The following ASB18 variants were observed in gnomAD, a reference collection of about 807,000 sequenced individuals.
ASB18 encodes ankyrin repeat and SOCS box containing 18, also known as ankyrin repeat and SOCS box protein 18.
A neutral mutation model predicts 33.4 loss-of-function variants in ASB18; 33 were observed. That is an observed-to-expected ratio of 0.99 (90% CI 0.75 to 1.32). The LOEUF is 1.32. Among genes scored for constraint, ASB18 ranks in the 40% most tolerant of loss-of-function variants. ASB18 has a pLI of 0.00. For synonymous variants in ASB18, 295 were observed against 307.6 expected, an observed-to-expected ratio of 0.96 and a Z score of 0.43; for missense variants, 694 against 655.5, an observed-to-expected ratio of 1.06 and a Z score of -0.64.
At chr2:236,224,023 C>G (rs1019641496) in intron 3 of ASB18, among the ~76,000 whole-genome samples, 4 of 151,976 alleles carry the variant, frequency 2.6e-5, no homozygotes, top group Admixed American at 6.6e-5. Flanking sequence ...CATATGTTCC[C>G]ATTTTTCTTA....
In ASB18 at chr2:236,219,165, CG is replaced by C. The variant is rs2060500482; in HGVS notation, c.597-4300del. Among the ~76,000 whole-genome samples, 1 of 152,080 alleles carries C rather than the reference CG, an allele frequency of 6.6e-6. No homozygotes were observed. Among genetic ancestry groups the C allele is most frequent in the African/African-American group, 2.4e-5 (1 of 41,400 alleles). On this transcript the variant is annotated intron_variant, in intron 3 of 5. Transcript: ENST00000409749. The surrounding 1 kb of genome is among the most constrained non-coding windows in gnomAD (Gnocchi z 6.4). ...TGTTGAGATTACAGGCATGAGCCAC[CG>C]TGCCCTGCCAAAAAACCTAGAAATT...
At position 236,235,959 on chromosome 2, in the gene ASB18, G is replaced by A. The variant is rs1002516782; in HGVS notation, c.596+1730C>T. On this transcript the variant is annotated intron_variant, in intron 3 of 5. Transcript: ENST00000409749. The surrounding 1 kb of genome is among the most constrained non-coding windows in gnomAD (Gnocchi z 6.2). ...TCTGCCTGTCTCAGCCTCCCAAAGT[G>A]TTGGGATTACCGGCATGAGCCACCG... Among the ~76,000 whole-genome samples the A allele has an allele frequency of 9.9e-5, 15 of 152,166 alleles. No homozygotes were observed. The highest frequency in any genetic ancestry group is 3.6e-4 in the African/African-American group (15 of 41,428).
At chr2:236,212,818 T>A (rs959320437) in intron 4 of ASB18, among the ~76,000 whole-genome samples, 1 of 151,984 alleles carries the variant, frequency 6.6e-6, no homozygotes, top group Non-Finnish European at 1.5e-5. Context: ...TTTGTAGAGA[T>A]AGGATCTTGC....
Position 236,234,774 on chromosome 2 carries a change from C to T in ASB18, c.596+2915G>A, listed in dbSNP as rs2060581327. On this transcript the variant is annotated intron_variant, in intron 3 of 5. Coordinates refer to ENST00000409749, the MANE Select transcript of ASB18 (RefSeq NM_212556.4). The surrounding 1 kb of genome is among the most constrained non-coding windows in gnomAD (Gnocchi z 4.1). ...AAAAGCTTCAATCCCTACCTCACAT[C>T]ATATTCAGAAATGAACTCAAAATGG... is the stretch of plus-strand genomic sequence containing the variant. Among the ~76,000 whole-genome samples, 1 of 152,200 alleles carries T rather than the reference C, an allele frequency of 6.6e-6. No homozygotes were observed. The highest frequency in any genetic ancestry group is 1.5e-5 in the Non-Finnish European group (1 of 68,040).
At chr2:236,207,250 T>A (rs1305174993) in intron 4 of ASB18, among the ~76,000 whole-genome samples, 1 of 152,208 alleles carries the variant, frequency 6.6e-6, no homozygotes, top group African/African-American at 2.4e-5. Context: ...TCTTTATGAA[T>A]CAACTCTGCC....
rs927189036 is a variant in ASB18, at chr2:236,229,784, T to C, written c.596+7905A>G. Among the ~76,000 whole-genome samples the C allele has an allele frequency of 5.3e-5, 8 of 152,136 alleles. No homozygotes were observed. Among genetic ancestry groups the C allele is most frequent in the African/African-American group, 1.9e-4 (8 of 41,400 alleles). ...TGAATCCGGGAAGCAGAGGTTGCAG[T>C]GAGCTGAGATCATGCCACTGCACTC... On this transcript the variant is annotated intron_variant, in intron 3 of 5. Transcript: ENST00000409749. This position sits in a 1 kb window ranked among gnomAD's most constrained non-coding sequence, Gnocchi z 5.2.
rs368017832 is a variant in ASB18, at chr2:236,222,699, C to T, written c.597-7833G>A. Among the ~76,000 whole-genome samples, 21 of 152,190 alleles carry T rather than the reference C, an allele frequency of 1.4e-4. No individual in the cohort carries two copies. Among genetic ancestry groups the T allele is most frequent in the East Asian group, 1.2e-3 (6 of 5,162 alleles). On this transcript the variant is annotated intron_variant, in intron 3 of 5. Coordinates refer to ENST00000409749, the MANE Select transcript of ASB18 (RefSeq NM_212556.4). The surrounding 1 kb of genome is among the most constrained non-coding windows in gnomAD (Gnocchi z 5.5). ...CCCCTTGGTGCTTTCCTCACGATAG[C>T]GAGTTCATGGGTGATCTGGCTGTTT... is the stretch of plus-strand genomic sequence containing the variant.
chr2:236,227,245 C>T (rs547280266), intron 3 of ASB18, among the ~76,000 whole-genome samples: 1 of 152,166 alleles, frequency 6.6e-6, no homozygotes, highest in South Asian at 2.1e-4. Flanking sequence ...TGACTAGAGA[C>T]ATTATAGCAA....
chr2:236,198,183 TAAAAA>T (rs777437650), intron 4 of ASB18, among the ~76,000 whole-genome samples: 2 of 151,944 alleles, frequency 1.3e-5, no homozygotes, highest in Admixed American at 6.6e-5. Flanking sequence ...TATGACAAAC[TAAAAA>T]AAATTCATAT....
Position 236,263,733 on chromosome 2 carries a change from C to T in ASB18, c.205+408G>A, listed in dbSNP as rs903345381. On this transcript the variant is annotated intron_variant, in intron 1 of 5. Coordinates refer to ENST00000409749, the MANE Select transcript of ASB18 (RefSeq NM_212556.4). The surrounding 1 kb of genome is among the most constrained non-coding windows in gnomAD (Gnocchi z 4.0). ...TTGTAGGCATTTGGTTTAAGTATTT[C>T]AGTAGGGGATTGAAATTGGGAAGAC... is the stretch of plus-strand genomic sequence containing the variant. Among the ~76,000 whole-genome samples, 1 of 152,062 alleles carries T rather than the reference C, an allele frequency of 6.6e-6. No homozygotes were observed. Among genetic ancestry groups the T allele is most frequent in the African/African-American group, 2.4e-5 (1 of 41,386 alleles).
chr2:236,227,824 A>G (rs561603459), intron 3 of ASB18, among the ~76,000 whole-genome samples: 1 of 152,346 alleles, frequency 6.6e-6, no homozygotes, highest in East Asian at 1.9e-4. Context: ...CTTAACCTCC[A>G]TGCATACAAT....
chr2:236,233,622 T>C (rs1230702480), intron 3 of ASB18, among the ~76,000 whole-genome samples: 1 of 152,104 alleles, frequency 6.6e-6, no homozygotes, highest in Non-Finnish European at 1.5e-5. Flanking sequence ...CATATAGTAG[T>C]TACACACAAT....
chr2:236,198,381 T>C (rs2060384090), intron 4 of ASB18, among the ~76,000 whole-genome samples: 1 of 152,194 alleles, frequency 6.6e-6, no homozygotes, highest in Admixed American at 6.5e-5. Context: ...TTTTTTCTTT[T>C]TTTTTTGGAT....
Position 236,250,861 on chromosome 2 carries a change from G to C in ASB18, c.206-9459C>G, listed in dbSNP as rs1194759024. ...TCACATAGACATTAATATCAAAAAT[G>C]TTAAAGTATCTCAACCTCCTCTCTG... On this transcript the variant is annotated intron_variant, in intron 1 of 5. Coordinates refer to ENST00000409749, the MANE Select transcript of ASB18 (RefSeq NM_212556.4). The surrounding 1 kb of genome is among the most constrained non-coding windows in gnomAD (Gnocchi z 4.1). 2.6e-5 allele frequency: 4 copies of C among 152,202 alleles called. No individual in the cohort carries two copies. Among genetic ancestry groups the C allele is most frequent in the Non-Finnish European group, 5.9e-5 (4 of 68,034 alleles). 9.4% of individuals were successfully genotyped at this position (152,202 alleles called of 1,614,324 possible).
chr2:236,233,629 C>T (rs544210370), intron 3 of ASB18, among the ~76,000 whole-genome samples: 1 of 152,110 alleles, frequency 6.6e-6, no homozygotes, highest in Admixed American at 6.5e-5. Context: ...TAGTTACACA[C>T]AATCAGAAAT....
rs751945317 is a variant in ASB18, at chr2:236,238,966, G to T, written c.329-1010C>A. Among the ~76,000 whole-genome samples the T allele has an allele frequency of 2.0e-5, 3 of 152,062 alleles. No individual in the cohort carries two copies. The highest frequency in any genetic ancestry group is 4.4e-5 in the Non-Finnish European group (3 of 68,012). On this transcript the variant is annotated intron_variant, in intron 2 of 5. Coordinates refer to ENST00000409749, the MANE Select transcript of ASB18 (RefSeq NM_212556.4). This position sits in a 1 kb window ranked among gnomAD's most constrained non-coding sequence, Gnocchi z 5.2. ...CCGCATGTGGTGCCGAGTTCCAGCC[G>T]CCCTGAGTCCCCAAGGCCCAGCCTG...
rs2060505389 is a variant in ASB18 at position 236,220,388 on chromosome 2, A to G, written c.597-5522T>C. The stretch of plus-strand genomic sequence containing the variant: ...CCTGCCAAGCCTCCATGCTCCCTGC[A>G]TGCTCTGCCCAGATACCTCTTCTCT... On this transcript the variant is annotated intron_variant, in intron 3 of 5. Coordinates refer to ENST00000409749, the MANE Select transcript of ASB18 (RefSeq NM_212556.4). The surrounding 1 kb of genome is among the most constrained non-coding windows in gnomAD (Gnocchi z 5.1). Among the ~76,000 whole-genome samples the G allele has an allele frequency of 6.6e-6, 1 of 152,096 alleles. No homozygotes were observed. Among genetic ancestry groups the G allele is most frequent in the South Asian group, 2.1e-4 (1 of 4,832 alleles).
rs1437078479 is a variant in ASB18 at position 236,238,711 on chromosome 2, G to GC, written c.329-756dup. ...CTGAAAACTTTGGCACTTTCAAAAA[G>GC]CCCGTGGAAGGTTGTTAGCGGCCAG... On this transcript the variant is annotated intron_variant, in intron 2 of 5. Transcript: ENST00000409749. This position sits in a 1 kb window ranked among gnomAD's most constrained non-coding sequence, Gnocchi z 5.2. 6.6e-6 allele frequency among the ~76,000 whole-genome samples: 1 copy of GC among 152,066 alleles called. No individual in the cohort carries two copies. The highest frequency in any genetic ancestry group is 1.5e-5 in the Non-Finnish European group (1 of 68,014).
At position 236,257,690 on chromosome 2, in the gene ASB18, C is replaced by A. The variant is rs556448101; in HGVS notation, c.205+6451G>T. ...GAGCCCCTGACTACAAGTCAGGAAG[C>A]ATACCTGCTCCTGCTCTGCTCCTAA... On this transcript the variant is annotated intron_variant, in intron 1 of 5. Coordinates refer to ENST00000409749, the MANE Select transcript of ASB18 (RefSeq NM_212556.4). The surrounding 1 kb of genome is among the most constrained non-coding windows in gnomAD (Gnocchi z 5.5). 4.3e-4 allele frequency among the ~76,000 whole-genome samples: 65 copies of A among 152,352 alleles called. No individual in the cohort carries two copies. The highest frequency in any genetic ancestry group is 1.6e-3 in the African/African-American group (65 of 41,580).
Sources: gnomAD v4.1 joint callset for allele counts (sites outside exome capture counted in the v4.1 genomes callset) on GRCh38, gnomAD v4.1.1 for gene constraint, Gnocchi (gnomAD v3.1) non-coding constraint, MANE v1.5 for transcripts, NCBI Gene and HGNC (gene_info 2026-07-23, HGNC 2026-07-21) for gene names.